NELL2: variants seen among roughly 807,000 people sequenced by gnomAD.
The protein encoded by NELL2 is protein kinase C-binding protein NELL2.
In NELL2, 41 loss-of-function variants were observed where a neutral mutation model predicts 109.6. The ratio of observed to expected loss-of-function variants is 0.37; its 90% confidence interval spans 0.29 to 0.49. The LOEUF is 0.49. Among genes scored for constraint, NELL2 ranks in the 20% least tolerant of loss-of-function variants. The pLI, the probability that NELL2 is intolerant of heterozygous loss-of-function variation, is 0.98. For missense variants in NELL2, 900 were observed against 1,008.3 expected, an observed-to-expected ratio of 0.89 and a Z score of 1.45; for synonymous variants, 355 against 344.7, an observed-to-expected ratio of 1.03 and a Z score of -0.33.
rs1001908378 is a variant in NELL2 at position 44,862,185 on chromosome 12, A to G, written c.184+13040T>C. Reference sequence around the variant, plus strand: ...TAACTCTTTTCCCATTTGCCCCACGAATACTCACCAGCAGCGCTTGCAGCT... The same window carrying G: ...TAACTCTTTTCCCATTTGCCCCACGGATACTCACCAGCAGCGCTTGCAGCT... On this transcript the variant is annotated intron_variant, in intron 2 of 19. Transcript: ENST00000429094. 3.9e-5 allele frequency among the ~76,000 whole-genome samples: 6 copies of G among 152,206 alleles called. No homozygotes were observed. The South Asian group carries it at 1.0e-3, about 26-fold the overall frequency.
In NELL2 at chr12:44,823,892, A is replaced by G. The variant is rs1036216274; in HGVS notation, c.185-7756T>C. Reference sequence around the variant, plus strand: ...GTTCCCTTTTCTCCTCGTCCTTGCCAATACTTGTTATCATAGGTCTTTTTG... The same window carrying G: ...GTTCCCTTTTCTCCTCGTCCTTGCCGATACTTGTTATCATAGGTCTTTTTG... On this transcript the variant is annotated intron_variant, in intron 2 of 19. Transcript: ENST00000429094. Among the ~76,000 whole-genome samples, 3 of 152,222 alleles carry G rather than the reference A, an allele frequency of 2.0e-5. No individual in the cohort carries two copies. The East Asian group carries it at 5.8e-4, about 29-fold the overall frequency.
chr12:44,663,282 C>T (rs1947812922), intron 13 of NELL2, among the ~76,000 whole-genome samples: 1 of 151,984 alleles, frequency 6.6e-6, no homozygotes, highest in South Asian at 2.1e-4. Flanking sequence ...CAATATTCAC[C>T]TGACTCTGGA....
upstream of NELL2, among the ~76,000 whole-genome samples, chr12:44,880,133 A>C (rs1945394567): frequency 7.1e-6 from 1 of 140,832 alleles, no homozygotes; most frequent in Non-Finnish European, 1.5e-5. Flanking sequence ...ACACACACAC[A>C]CACACACAGA....
At chr12:44,779,641 T>C in intron 5 of NELL2, 22 bp downstream of exon 5, 1 of 1,583,802 alleles carries the variant, frequency 6.3e-7, no homozygotes, top group Non-Finnish European at 8.7e-7. Context: ...CATTTCATTC[T>C]CAGACTTTTG....
chr12:44,762,605 A>AT (rs1256471235), intron 9 of NELL2, among the ~76,000 whole-genome samples: 8 of 152,214 alleles, frequency 5.3e-5, no homozygotes, highest in African/African-American at 1.9e-4. Flanking sequence ...AACTCATAGT[A>AT]TGACTCTCTG....
At chr12:44,574,269 G>T (rs1943984008) in intron 15 of NELL2, among the ~76,000 whole-genome samples, 2 of 151,634 alleles carry the variant, frequency 1.3e-5, no homozygotes, top group South Asian at 4.1e-4. Context: ...GCCTGGCTAT[G>T]TTCTGTTTTA....
chr12:44,704,154 ATAT>A (rs2136421754), intron 11 of NELL2, among the ~76,000 whole-genome samples: 1 of 152,266 alleles, frequency 6.6e-6, no homozygotes, highest in Admixed American at 6.5e-5. Context: ...AAAAAAAGAA[ATAT>A]TATTAGGGTA....
intron 16 of NELL2, among the ~76,000 whole-genome samples, chr12:44,530,907 A>T (rs541977651): frequency 2.0e-5 from 3 of 152,360 alleles, no homozygotes; most frequent in Admixed American, 2.0e-4. Flanking sequence ...CCTGACCCAT[A>T]GCAAGTGTGA....
intron 8 of NELL2, among the ~76,000 whole-genome samples, chr12:44,775,766 T>G (rs1449839409): frequency 6.6e-6 from 1 of 152,218 alleles, no homozygotes; most frequent in Non-Finnish European, 1.5e-5. Context: ...TTTACCTAAT[T>G]TAAATTGCTA....
At chr12:44,541,059 C>T (rs977549011) in intron 15 of NELL2, among the ~76,000 whole-genome samples, 12 of 151,270 alleles carry the variant, frequency 7.9e-5, no homozygotes, top group African/African-American at 2.4e-4. Flanking sequence ...TCCTGGCTAA[C>T]ACAGTGAAAA....
chr12:44,875,494 C>G lies in NELL2; in HGVS notation c.56-141G>C, dbSNP rs771117642. 2.5e-6 allele frequency: 4 copies of G among 1,614,014 alleles called. No homozygotes were observed. In the South Asian group the frequency reaches 4.4e-5, roughly 18 times the overall value. The stretch of plus-strand genomic sequence containing the variant: ...TGAGAGGCGACTGCCTCCTCCTCCG[C>G]CGAGAGCCTTACCTGAGATCAGCAG... On this transcript the variant is annotated intron_variant, in intron 1 of 19. Coordinates refer to ENST00000429094, the MANE Select transcript of NELL2 (RefSeq NM_001145108.2).
intron 13 of NELL2, among the ~76,000 whole-genome samples, chr12:44,647,761 G>A (rs550326810): frequency 5.9e-5 from 9 of 152,208 alleles, no homozygotes; most frequent in Admixed American, 4.6e-4. Context: ...AAAAAATAAA[G>A]ATGGCTGTTC....
chr12:44,761,673 T>C (rs190748184), intron 9 of NELL2, among the ~76,000 whole-genome samples: 13 of 152,320 alleles, frequency 8.5e-5, no homozygotes, highest in Admixed American at 7.8e-4. Flanking sequence ...GTGGCATATA[T>C]ACATCATGGA....
At chr12:44,730,921 A>G (rs1939336184) in intron 9 of NELL2, among the ~76,000 whole-genome samples, 1 of 152,130 alleles carries the variant, frequency 6.6e-6, no homozygotes, top group South Asian at 2.1e-4. Flanking sequence ...CTCAAGTAAA[A>G]TCAGAAATAC....
chr12:44,771,403 T>C (rs1471529002), intron 9 of NELL2, among the ~76,000 whole-genome samples: 1 of 152,160 alleles, frequency 6.6e-6, no homozygotes, highest in African/African-American at 2.4e-5. Flanking sequence ...GGAACTTCTC[T>C]GAGACCTCTA....
At chr12:44,920,369 C>T (rs1421176870) in intron 1 of NELL2, among the ~76,000 whole-genome samples, 1 of 152,034 alleles carries the variant, frequency 6.6e-6, no homozygotes, top group Non-Finnish European at 1.5e-5. Flanking sequence ...ACTTTTTAAG[C>T]CTTTCAGTTC....
upstream of NELL2, chr12:44,880,833 GTTC>G (rs1205582270): frequency 3.6e-5 from 5 of 139,506 alleles, no homozygotes; most frequent in African/African-American, 1.1e-4. Context: ...TCTTTGTTTT[GTTC>G]TTGTTGTTGT....
At chr12:44,790,166 C>T (rs12319039) in intron 3 of NELL2, among the ~76,000 whole-genome samples, 2,260 of 152,152 alleles carry the variant, frequency 0.015, 57 homozygotes, top group African/African-American at 0.052. Context: ...CGCCTAGGCA[C>T]ATTATCATCA....
At chr12:44,681,787 T>C (rs569926848) in intron 12 of NELL2, among the ~76,000 whole-genome samples, 277 of 152,256 alleles carry the variant, frequency 1.8e-3, no homozygotes, top group African/African-American at 6.3e-3. Flanking sequence ...ATGGTGTATA[T>C]GTGCCACATT....
Sources: allele counts gnomAD v4.1 joint callset (sites outside exome capture counted in the v4.1 genomes callset), GRCh38; gene constraint gnomAD v4.1.1; transcripts MANE v1.5; gene names NCBI Gene and HGNC (gene_info 2026-07-23, HGNC 2026-07-21).